The following GLYATL1 variants were observed in gnomAD, a reference collection of about 807,000 sequenced individuals.
GLYATL1 encodes glycine N-acyltransferase-like protein 1.
A neutral mutation model predicts 20.0 loss-of-function variants in GLYATL1; 15 were observed. The observed-to-expected ratio is 0.75, with a 90% CI of 0.50 to 1.15. The LOEUF is 1.15. GLYATL1 is among the 50% of genes most tolerant of loss of function. The probability of loss-of-function intolerance (pLI) is 0.00; values close to 1 mark genes in which losing one functional copy is unlikely to be tolerated. For missense variants in GLYATL1, 380 were observed against 368.5 expected (o/e 1.03, Z -0.26); for synonymous variants, 151 against 131.5 (o/e 1.15, Z -1.01).
rs192751674 is a variant in GLYATL1, at chr11:58,947,101, A to G, written c.14A>G (p.Asn5Ser). The G allele has an allele frequency of 3.1e-4, 508 of 1,614,110 alleles. No homozygotes were observed. The highest frequency in any genetic ancestry group is 3.8e-4 in the Non-Finnish European group (446 of 1,179,928). The change falls in exon 3 of 7, where the codon AAT becomes AGT. Residue 5 changes from asparagine (N) to serine (S), a missense_variant. Coordinates refer to ENST00000532726, the MANE Select transcript of GLYATL1 (RefSeq NM_001389712.2). ...GCATCCCACAGAATGATCCTACTGA[A>G]TAACTCCCATAAGCTGCTGGCCCTA... Reference protein sequence around the residue: MILLNNSHKLLALYK... With the variant: MILLSNSHKLLALYK...
intron 2 of GLYATL1, among the ~76,000 whole-genome samples, chr11:58,946,308 A>G (rs1856565777): frequency 6.6e-6 from 1 of 152,198 alleles, no homozygotes; most frequent in Non-Finnish European, 1.5e-5. Context: ...CCAGTTCCAA[A>G]GTTGTGAGAA....
chr11:58,943,040 T>C (rs1856281841), intron 1 of GLYATL1, among the ~76,000 whole-genome samples: 1 of 152,128 alleles, frequency 6.6e-6, no homozygotes, highest in Non-Finnish European at 1.5e-5. Flanking sequence ...AAAACCCAAT[T>C]AGATGAGGTT....
downstream of GLYATL1, among the ~76,000 whole-genome samples, chr11:58,913,389 G>T (rs929354842): frequency 1.1e-4 from 16 of 151,578 alleles, no homozygotes; most frequent in African/African-American, 3.6e-4. Flanking sequence ...AGAGGGAGGA[G>T]AAATGACAAG....
chr11:58,924,568 C>T (rs1280941724), upstream of GLYATL1, among the ~76,000 whole-genome samples: 1 of 152,212 alleles, frequency 6.6e-6, no homozygotes, highest in Non-Finnish European at 1.5e-5. Flanking sequence ...CCCAACATTT[C>T]CCCGTTTTTG....
At chr11:58,914,227 C>A (rs924159732) in intron 1 of GLYATL1, among the ~76,000 whole-genome samples, 3 of 152,322 alleles carry the variant, frequency 2.0e-5, no homozygotes, top group South Asian at 2.1e-4. Flanking sequence ...CCCTCTCATC[C>A]AATTCCACAC....
chr11:58,918,753 C>A (rs1855239118), intron 1 of GLYATL1, among the ~76,000 whole-genome samples: 1 of 152,236 alleles, frequency 6.6e-6, no homozygotes, highest in Non-Finnish European at 1.5e-5. Flanking sequence ...TTCGGCTGTG[C>A]ATAGACTAGT....
rs200893498 is a variant in GLYATL1, at chr11:58,955,773, T to G, written c.655T>G (p.Ser219Ala). The G allele has an allele frequency of 1.9e-6, 3 of 1,614,208 alleles. No individual in the cohort carries two copies. Among genetic ancestry groups the G allele is most frequent in the Admixed American group, 3.3e-5 (2 of 60,010 alleles). ...CMLGPEGVPVSWVTMDPSCEV... is the reference protein window; with the variant it reads ...CMLGPEGVPVAWVTMDPSCEV... ...GCTCGGCCCAGAGGGAGTCCCGGTCTCATGGGTAACCATGGACCCTTCTTG... is the reference window on the plus strand; with the variant it reads ...GCTCGGCCCAGAGGGAGTCCCGGTCGCATGGGTAACCATGGACCCTTCTTG... The change falls in exon 7 of 7, where the codon TCA (serine) becomes GCA (alanine). Residue 219 changes from serine to alanine, a missense_variant. Transcript: ENST00000532726.
At chr11:58,943,960 CTTT>C (rs59431757) in intron 2 of GLYATL1, among the ~76,000 whole-genome samples, 126 of 144,732 alleles carry the variant, frequency 8.7e-4, no homozygotes, top group Non-Finnish European at 1.6e-3. Context: ...CTTTTCTTTT[CTTT>C]TTTTTTTTTG....
At chr11:58,933,160 G>A (rs1386489443) in intron 1 of GLYATL1, among the ~76,000 whole-genome samples, 1 of 152,164 alleles carries the variant, frequency 6.6e-6, no homozygotes, top group African/African-American at 2.4e-5. Context: ...TGGTTTTGAA[G>A]GGGTTAAGAG....
intron 4 of GLYATL1, among the ~76,000 whole-genome samples, chr11:58,949,150 T>G (rs146195925): frequency 3.9e-4 from 59 of 152,336 alleles, no homozygotes; most frequent in African/African-American, 1.4e-3. Flanking sequence ...CCTAAATACT[T>G]CCCCTTTGTG....
chr11:58,952,958 A>G (rs941485275), intron 4 of GLYATL1, among the ~76,000 whole-genome samples: 1 of 152,224 alleles, frequency 6.6e-6, no homozygotes, highest in Admixed American at 6.5e-5. Flanking sequence ...GAATCATTCT[A>G]CCAACATGAC....
Position 58,955,175 on chromosome 11 carries a change from G to T in GLYATL1, c.314-1G>T. On this transcript the variant is annotated splice_acceptor_variant, in intron 5 of 6. Coordinates refer to ENST00000532726, the MANE Select transcript of GLYATL1 (RefSeq NM_001389712.2). LOFTEE classifies it high-confidence loss of function. Reference sequence around the variant, plus strand: ...GATTGCTTTCTTGGCTTTCTTCCCAGGTCTTCAAGAAAGTTTAGGTGAGGG... The same window carrying T: ...GATTGCTTTCTTGGCTTTCTTCCCATGTCTTCAAGAAAGTTTAGGTGAGGG... 3 of 1,612,236 alleles carry T rather than the reference G, an allele frequency of 1.9e-6. No homozygotes were observed. The highest frequency in any genetic ancestry group is 2.5e-6 in the Non-Finnish European group (3 of 1,179,254).
chr11:58,949,851 T>C (rs1007779872), intron 4 of GLYATL1, among the ~76,000 whole-genome samples: 1 of 152,016 alleles, frequency 6.6e-6, no homozygotes, highest in African/African-American at 2.4e-5. Context: ...AGAAAAAAAT[T>C]AATTTTTTCA....
At chr11:58,955,430 A>G in intron 6 of GLYATL1, 77 bp downstream of exon 6, 1 of 1,444,322 alleles carries the variant, frequency 6.9e-7, no homozygotes, top group Non-Finnish European at 9.5e-7. Flanking sequence ...CAGTTTTGGA[A>G]TGAAGAGAGG....
chr11:58,911,971 T>A (rs1565116669), downstream of GLYATL1, among the ~76,000 whole-genome samples: 1 of 152,138 alleles, frequency 6.6e-6, no homozygotes, highest in Non-Finnish European at 1.5e-5. Flanking sequence ...TGTGATTGAT[T>A]TAAGTTTTTT....
At position 58,955,316 on chromosome 11, in the gene GLYATL1, TG is replaced by T. The variant is rs1223660151; in HGVS notation, c.457del (p.Ala153LeufsTer30). On this transcript the variant is annotated frameshift_variant, in exon 6 of 7. Coordinates refer to ENST00000532726, the MANE Select transcript of GLYATL1 (RefSeq NM_001389712.2). LOFTEE classifies it low-confidence loss of function (END_TRUNC). ...NASSKSKLGS[W>X]AETGHPDDEF... is the part of the protein sequence containing the mutation. ...CTCCAGTAAAAGCAAGCTTGGAAGC[TG>T]GGCTGAGACAGGCCACCCAGATGAT... 1 of 1,614,204 alleles carries T rather than the reference TG, an allele frequency of 6.2e-7. No individual in the cohort carries two copies. The highest frequency in any genetic ancestry group is 8.5e-7 in the Non-Finnish European group (1 of 1,180,010).
chr11:58,955,834 G>A lies in GLYATL1; in HGVS notation c.716G>A (p.Arg239Gln), dbSNP rs761990293. 2.0e-5 allele frequency: 33 copies of A among 1,614,042 alleles called. No individual in the cohort carries two copies. Among genetic ancestry groups the A allele is most frequent in the African/African-American group, 2.7e-5 (2 of 74,896 alleles). Residue 239 changes from arginine (R) to glutamine (Q), a missense_variant, in exon 7 of 7, where the codon CGA becomes CAA. Transcript: ENST00000532726. The stretch of plus-strand genomic sequence containing the variant: ...ATGGCCTACAGCATGGAAAAATACC[G>A]AAGGACAGGCAACATGGCACGAGTG... ...VGMAYSMEKY[R>Q]RTGNMARVMV...
At chr11:58,918,509 G>A (rs779584215) in intron 1 of GLYATL1, among the ~76,000 whole-genome samples, 6 of 152,160 alleles carry the variant, frequency 3.9e-5, no homozygotes, top group Non-Finnish European at 7.3e-5. Flanking sequence ...TAGTATGCAT[G>A]CAGGGAGGGC....
chr11:58,943,711 G>A (rs368796881), intron 2 of GLYATL1, 45 bp downstream of exon 2: 1 of 1,603,762 alleles, frequency 6.2e-7, no homozygotes, highest in Non-Finnish European at 8.5e-7. Flanking sequence ...TTGGTGTTTT[G>A]AGCTCTCTGA....
Sources: allele counts gnomAD v4.1 joint callset (sites outside exome capture counted in the v4.1 genomes callset), GRCh38; gene constraint gnomAD v4.1.1; transcripts MANE v1.5; gene names NCBI Gene and HGNC (gene_info 2026-07-23, HGNC 2026-07-21).